CSTPP1: variants seen among roughly 807,000 people sequenced by gnomAD.
CSTPP1 encodes the protein centriolar satellite-associated tubulin polyglutamylase complex regulator 1.
At chr11:47,089,528 A>G in the CSTPP1 span, among the ~76,000 whole-genome samples, 1 of 152,238 alleles carries the variant, frequency 6.6e-6, no homozygotes, top group Non-Finnish European at 1.5e-5. Flanking sequence ...TGCATTAAAC[A>G]TTAGACAGAT....
chr11:47,067,253 C>G, the CSTPP1 span, among the ~76,000 whole-genome samples: 1 of 151,614 alleles, frequency 6.6e-6, no homozygotes, highest in Non-Finnish European at 1.5e-5. Context: ...TGAGTAATCA[C>G]TCTGGAGAAA....
chr11:47,006,948 A>G, the CSTPP1 span, among the ~76,000 whole-genome samples: 3 of 144,786 alleles, frequency 2.1e-5, no homozygotes, highest in African/African-American at 2.6e-5. Flanking sequence ...AGACCTTTTC[A>G]TAGTATTCTC....
the CSTPP1 span, among the ~76,000 whole-genome samples, chr11:47,067,627 GTGAGA>G: frequency 6.6e-6 from 1 of 152,240 alleles, no homozygotes; most frequent in Non-Finnish European, 1.5e-5. Context: ...TGAGGACACA[GTGAGA>G]AGGCAGCTGT....
At chr11:47,062,016 C>A in the CSTPP1 span, among the ~76,000 whole-genome samples, 1 of 152,060 alleles carries the variant, frequency 6.6e-6, no homozygotes, top group Non-Finnish European at 1.5e-5. Flanking sequence ...GCTCCTCAAC[C>A]CTCCATACAT....
chr11:47,008,697 T>C, the CSTPP1 span, among the ~76,000 whole-genome samples: 2 of 152,198 alleles, frequency 1.3e-5, no homozygotes, highest in Admixed American at 1.3e-4. Context: ...TCTGCTATGC[T>C]TATATTCATA....
chr11:47,137,590 G>T, the CSTPP1 span: 1 of 1,612,880 alleles, frequency 6.2e-7, no homozygotes, highest in South Asian at 1.1e-5. Context: ...AACAAAAAGA[G>T]GGCAGTGACT....
chr11:47,043,441 T>G, the CSTPP1 span, among the ~76,000 whole-genome samples: 1 of 151,886 alleles, frequency 6.6e-6, no homozygotes, highest in Non-Finnish European at 1.5e-5. Flanking sequence ...GTCTTAGTGG[T>G]CCAACCTCCT....
the CSTPP1 span, chr11:47,158,113 G>T: frequency 1.7e-6 from 1 of 585,394 alleles, no homozygotes. Flanking sequence ...CCCATGGTAG[G>T]GGACAGCCCT....
At chr11:47,093,559 T>C in the CSTPP1 span, among the ~76,000 whole-genome samples, 1 of 152,170 alleles carries the variant, frequency 6.6e-6, no homozygotes, top group Non-Finnish European at 1.5e-5. Flanking sequence ...TTTTTGAGGG[T>C]AGGGGCTCTG....
chr11:47,050,788 T>C, the CSTPP1 span, among the ~76,000 whole-genome samples: 1 of 152,256 alleles, frequency 6.6e-6, no homozygotes, highest in Admixed American at 6.5e-5. Context: ...ACAATAGCAC[T>C]GCGTGGTTAG....
At chr11:47,133,873 C>T in the CSTPP1 span, among the ~76,000 whole-genome samples, 2 of 152,260 alleles carry the variant, frequency 1.3e-5, no homozygotes, top group Non-Finnish European at 1.5e-5. Flanking sequence ...GGATAATAGT[C>T]GTGAAGATTA....
the CSTPP1 span, chr11:47,155,121 C>T: frequency 1.4e-6 from 2 of 1,397,706 alleles, no homozygotes; most frequent in Admixed American, 1.7e-5. Context: ...TCTCTCCCTC[C>T]CCTCCTTAAA....
the CSTPP1 span, among the ~76,000 whole-genome samples, chr11:47,036,482 C>T: frequency 7.6e-5 from 9 of 118,854 alleles, 2 homozygotes; most frequent in African/African-American, 2.3e-4. Flanking sequence ...GCTTCTTTTT[C>T]ACAGAGGAAT....
At chr11:47,106,497 G>A in the CSTPP1 span, among the ~76,000 whole-genome samples, 1 of 152,132 alleles carries the variant, frequency 6.6e-6, no homozygotes, top group Admixed American at 6.5e-5. Flanking sequence ...ACAAAAATTA[G>A]CCAGGCGTGG....
chr11:47,046,660 C>CTTT, the CSTPP1 span, among the ~76,000 whole-genome samples: 1,140 of 79,730 alleles, frequency 0.014, 35 homozygotes, highest in African/African-American at 0.02. Flanking sequence ...ATCTTCTTTT[C>CTTT]TTTTTTTTTT....
At chr11:47,119,616 T>C in the CSTPP1 span, among the ~76,000 whole-genome samples, 1 of 142,448 alleles carries the variant, frequency 7.0e-6, no homozygotes, top group African/African-American at 2.6e-5. Flanking sequence ...TTTTTTTTTT[T>C]TTTTTTTTTT....
chr11:47,039,859 G>A, the CSTPP1 span, among the ~76,000 whole-genome samples: 2 of 128,092 alleles, frequency 1.6e-5, no homozygotes, highest in African/African-American at 2.5e-5. Context: ...ACAAACAAGA[G>A]GTCCAGAGTG....
At chr11:47,004,447 A>T in the CSTPP1 span, 1 of 151,814 alleles carries the variant, frequency 6.6e-6, no homozygotes, top group Non-Finnish European at 1.5e-5. Context: ...CCAAAATGCT[A>T]GAATTACAGG....
chr11:46,951,656 T>G, the CSTPP1 span, among the ~76,000 whole-genome samples: 7 of 152,180 alleles, frequency 4.6e-5, no homozygotes, highest in African/African-American at 7.2e-5. Flanking sequence ...TAGACCTAAT[T>G]TATTATATTG....
Sources: allele counts gnomAD v4.1 joint callset (sites outside exome capture counted in the v4.1 genomes callset), GRCh38; gene constraint gnomAD v4.1.1; transcripts MANE v1.5; gene names NCBI Gene and HGNC (gene_info 2026-07-23, HGNC 2026-07-21).